Variants in MALRD1 observed in about 807,000 individuals in gnomAD.
The protein encoded by MALRD1 is MAM and LDL-receptor class A domain-containing protein 1.
In MALRD1, 247 loss-of-function variants were observed where a neutral mutation model predicts 242.1. That is an observed-to-expected ratio of 1.02 (90% CI 0.92 to 1.13). The LOEUF (loss-of-function observed/expected upper bound fraction) is 1.13, where lower values mean the gene tolerates loss of function less well. MALRD1 is among the 50% of genes most tolerant of loss of function. MALRD1 has a pLI of 0.00. For missense variants in MALRD1, 2,989 were observed against 2,533.1 expected (o/e 1.18, Z -3.86); for synonymous variants, 995 against 866.6 (o/e 1.15, Z -2.60).
intron 24 of MALRD1, among the ~76,000 whole-genome samples, chr10:19,333,371 T>TC (rs1300515996): frequency 1.3e-5 from 2 of 152,104 alleles, no homozygotes; most frequent in Non-Finnish European, 2.9e-5. Flanking sequence ...TTGTTGAGCA[T>TC]CCACTTATAA....
At chr10:19,621,396 T>C (rs1282728062) in intron 36 of MALRD1, among the ~76,000 whole-genome samples, 1 of 107,380 alleles carries the variant, frequency 9.3e-6, no homozygotes, top group Non-Finnish European at 2.0e-5. Flanking sequence ...CCCAAGGAAA[T>C]GAATTGGCTG....
At chr10:19,596,739 A>AAAAAG (rs10699326) in intron 34 of MALRD1, among the ~76,000 whole-genome samples, 75,183 of 147,386 alleles carry the variant, frequency 0.51, 19,441 homozygotes, top group Non-Finnish European at 0.54. Context: ...ACTCTGTCTC[A>AAAAAG]AAAAGAAAAG....
At chr10:19,272,298 A>G (rs1038072851) in intron 19 of MALRD1, among the ~76,000 whole-genome samples, 8 of 152,202 alleles carry the variant, frequency 5.3e-5, no homozygotes, top group African/African-American at 1.9e-4. Context: ...GACACCATAC[A>G]AAACAAAAAG....
chr10:19,520,164 A>C (rs556835786), intron 31 of MALRD1, among the ~76,000 whole-genome samples: 33 of 152,174 alleles, frequency 2.2e-4, no homozygotes, highest in Non-Finnish European at 4.1e-4. Flanking sequence ...CACAGAAGGC[A>C]CTTGTTGAAC....
chr10:19,718,851 C>G (rs965522487), intron 38 of MALRD1, among the ~76,000 whole-genome samples: 2 of 151,714 alleles, frequency 1.3e-5, no homozygotes, highest in African/African-American at 4.8e-5. Context: ...AGTAATTTTA[C>G]TAGGCCGAGA....
At position 19,324,074 on chromosome 10, in the gene MALRD1, A is replaced by G; in HGVS notation, c.3545A>G (p.His1182Arg). 1 of 1,550,430 alleles carries G rather than the reference A, an allele frequency of 6.4e-7. No homozygotes were observed. Among genetic ancestry groups the G allele is most frequent in the Non-Finnish European group, 8.7e-7 (1 of 1,146,810 alleles). Reference sequence around the variant, plus strand: ...AAATGTACCTTGGTGTTCTGGACACATATGAATGGGGCCACCGTTGGTTCT... The same window carrying G: ...AAATGTACCTTGGTGTTCTGGACACGTATGAATGGGGCCACCGTTGGTTCT... ...GPKCTLVFWT[H>R]MNGATVGSLQ... The change falls in exon 22 of 40, where the codon CAT (histidine) becomes CGT (arginine). Residue 1182 changes from histidine to arginine, a missense_variant. His to Arg is a conservative substitution (Grantham distance 29). Transcript: ENST00000454679.
intron 33 of MALRD1, among the ~76,000 whole-genome samples, chr10:19,569,092 A>G (rs967483583): frequency 2.0e-5 from 3 of 152,160 alleles, no homozygotes; most frequent in East Asian, 1.9e-4. Context: ...CGATATTCAT[A>G]TAGTAATAAG....
At position 19,719,179 on chromosome 10, in the gene MALRD1, TATATATATATACATAC is replaced by T. The variant is rs1564567123; in HGVS notation, c.6315-11515_6315-11500del. On this transcript the variant is annotated intron_variant, in intron 38 of 39. Transcript: ENST00000454679. ...TTATATATATATATATACATACATA[TATATATATATACATAC>T]ATATATATATATATATACACATACA... 3.9e-5 allele frequency among the ~76,000 whole-genome samples: 4 copies of T among 102,006 alleles called. 1 individual carries two copies. Among genetic ancestry groups the T allele is most frequent in the African/African-American group, 1.9e-4 (4 of 21,264 alleles). 66.9% of individuals were successfully genotyped at this position (102,006 alleles called of 152,430 possible).
In MALRD1 at chr10:19,477,116, G is replaced by A. The variant is rs550916441; in HGVS notation, c.5030-14401G>A. Reference sequence around the variant, plus strand: ...GGCTTGAAATGCACTACAAGAATACGTTTTAACCTCTTAGTGCTCAACAAT... The same window carrying A: ...GGCTTGAAATGCACTACAAGAATACATTTTAACCTCTTAGTGCTCAACAAT... On this transcript the variant is annotated intron_variant, in intron 29 of 39. Transcript: ENST00000454679. Among the ~76,000 whole-genome samples, 14 of 152,026 alleles carry A rather than the reference G, an allele frequency of 9.2e-5. No homozygotes were observed. The South Asian group carries it at 1.0e-3, about 11-fold the overall frequency.
chr10:19,565,323 T>G (rs1388559723), intron 32 of MALRD1, among the ~76,000 whole-genome samples: 1 of 152,000 alleles, frequency 6.6e-6, no homozygotes, highest in African/African-American at 2.4e-5. Flanking sequence ...GAGAGAAAAA[T>G]AAACTGTAAA....
chr10:19,700,315 C>T (rs1223330679), intron 38 of MALRD1, among the ~76,000 whole-genome samples: 1 of 152,056 alleles, frequency 6.6e-6, no homozygotes, highest in Non-Finnish European at 1.5e-5. Context: ...CTCGAGGCAG[C>T]AGCCTTCTAC....
intron 18 of MALRD1, among the ~76,000 whole-genome samples, chr10:19,227,097 G>A (rs1230838473): frequency 6.6e-6 from 1 of 151,540 alleles, no homozygotes; most frequent in African/African-American, 2.4e-5. Context: ...CTCCAGATTT[G>A]GCACAATCCC....
intron 26 of MALRD1, among the ~76,000 whole-genome samples, chr10:19,385,714 A>G (rs1846045657): frequency 6.6e-6 from 1 of 151,610 alleles, no homozygotes; most frequent in Non-Finnish European, 1.5e-5. Context: ...TCTATGGTTT[A>G]TTCTCTATAT....
intron 2 of MALRD1, among the ~76,000 whole-genome samples, chr10:19,082,122 A>C (rs1835509502): frequency 6.6e-6 from 1 of 151,560 alleles, no homozygotes; most frequent in African/African-American, 2.4e-5. Context: ...TTATTTTGTT[A>C]AATAGATGTT....
intron 33 of MALRD1, among the ~76,000 whole-genome samples, chr10:19,569,720 CTT>C (rs1203163173): frequency 2.1e-4 from 31 of 146,130 alleles, no homozygotes; most frequent in African/African-American, 4.7e-4. Flanking sequence ...ATATTAGTAA[CTT>C]ATATATTAAC....
At chr10:19,632,679 T>G (rs1341681945) in intron 36 of MALRD1, among the ~76,000 whole-genome samples, 1 of 151,952 alleles carries the variant, frequency 6.6e-6, no homozygotes, top group African/African-American at 2.4e-5. Flanking sequence ...GGCCCAGAGC[T>G]CCACCCTAAC....
At chr10:19,317,167 A>G (rs1333822014) in intron 21 of MALRD1, among the ~76,000 whole-genome samples, 1 of 151,898 alleles carries the variant, frequency 6.6e-6, no homozygotes, top group Non-Finnish European at 1.5e-5. Context: ...CTTATAAACA[A>G]CAAACATATA....
chr10:19,458,634 G>T (rs1370953826), intron 29 of MALRD1, among the ~76,000 whole-genome samples: 1 of 152,086 alleles, frequency 6.6e-6, no homozygotes, highest in Non-Finnish European at 1.5e-5. Context: ...TAGTTAAACG[G>T]GTCAATAAGA....
chr10:19,466,532 A>G (rs1400302578), intron 29 of MALRD1, among the ~76,000 whole-genome samples: 1 of 152,174 alleles, frequency 6.6e-6, no homozygotes, highest in African/African-American at 2.4e-5. Context: ...ACAGTTCTGG[A>G]GGCTGGAAGT....
Sources: gnomAD v4.1 joint callset for allele counts (sites outside exome capture counted in the v4.1 genomes callset) on GRCh38, gnomAD v4.1.1 for gene constraint, MANE v1.5 for transcripts, NCBI Gene and HGNC (gene_info 2026-07-23, HGNC 2026-07-21) for gene names.